The following RELN variants were observed in gnomAD, a reference collection of about 807,000 sequenced individuals.
RELN encodes the protein reelin.
RELN carries 108 observed loss-of-function variants against 427.6 expected under a neutral mutation model. The ratio of observed to expected loss-of-function variants is 0.25; its 90% CI spans 0.22 to 0.30. RELN has a LOEUF of 0.30. Ranked by LOEUF, RELN falls within the 10% of genes least tolerant of loss-of-function variation. The probability of loss-of-function intolerance (pLI) is 1.00; values close to 1 mark genes in which losing one functional copy is unlikely to be tolerated. For missense variants in RELN, 3,715 were observed against 4,302.8 expected, an observed-to-expected ratio of 0.86 and a Z score of 3.82; for synonymous variants, 1,524 against 1,513.4, an observed-to-expected ratio of 1.01 and a Z score of -0.16.
At chr7:103,846,120 C>A (rs1793670778) in intron 2 of RELN, among the ~76,000 whole-genome samples, 1 of 152,098 alleles carries the variant, frequency 6.6e-6, no homozygotes, top group South Asian at 2.1e-4. Flanking sequence ...CCCATATAGC[C>A]AAGACAATCC....
intron 1 of RELN, among the ~76,000 whole-genome samples, chr7:103,945,464 C>T (rs985675495): frequency 1.3e-5 from 2 of 152,074 alleles, no homozygotes; most frequent in Non-Finnish European, 2.9e-5. Flanking sequence ...TACCCCCTAC[C>T]GAAGACAGAC....
At position 103,644,525 on chromosome 7, in the gene RELN, G is replaced by C. The variant is rs114059837; in HGVS notation, c.2003-3916C>G. 5.5e-3 allele frequency among the ~76,000 whole-genome samples: 818 copies of C among 149,292 alleles called. 7 individuals are homozygous for C. Among genetic ancestry groups the C allele is most frequent in the African/African-American group, 0.011 (459 of 40,660 alleles). ...TAACAATAGACTAGACCAAGCAGAA[G>C]AAATAATCTCAGAGCTCGAATACAG... is the stretch of plus-strand genomic sequence containing the variant. On this transcript the variant is annotated intron_variant, in intron 16 of 64. Transcript: ENST00000428762.
chr7:103,922,149 G>GA (rs1163087534), intron 1 of RELN, among the ~76,000 whole-genome samples: 2 of 152,002 alleles, frequency 1.3e-5, no homozygotes, highest in South Asian at 2.1e-4. Context: ...AACTTCTACA[G>GA]AAAAAACTGG....
chr7:103,948,248 A>G (rs1796259144), intron 1 of RELN, among the ~76,000 whole-genome samples: 1 of 152,242 alleles, frequency 6.6e-6, no homozygotes, highest in African/African-American at 2.4e-5. Context: ...TTTCATAACT[A>G]GAATCACATT....
In RELN at chr7:103,483,768, C is replaced by T. The variant is rs768319127; in HGVS notation, c.10066G>A (p.Asp3356Asn). 6.2e-7 allele frequency: 1 copy of T among 1,614,096 alleles called. No homozygotes were observed. Among genetic ancestry groups the T allele is most frequent in the Non-Finnish European group, 8.5e-7 (1 of 1,179,930 alleles). ...NSDLSGPHAV[D>N]KAVLLQYSVN... Reference sequence around the variant, plus strand: ...CTGTATTGCAGCAGCACTGCCTTGTCCACAGCGTGGGGGCCACTCAGGTCA... The same window carrying T: ...CTGTATTGCAGCAGCACTGCCTTGTTCACAGCGTGGGGGCCACTCAGGTCA... Residue 3356 changes from aspartate to asparagine, a missense_variant, in exon 62 of 65, where the codon GAC becomes AAC. Physicochemically the swap from Asp to Asn is conservative, Grantham distance 23. This residue lies in a region of RELN where 195 missense variants were observed against 281.3 expected (regional missense o/e 0.69). Coordinates refer to ENST00000428762, the MANE Select transcript of RELN (RefSeq NM_005045.4).
chr7:103,773,521 G>C (rs1426469248), intron 4 of RELN, among the ~76,000 whole-genome samples: 1 of 149,608 alleles, frequency 6.7e-6, no homozygotes, highest in African/African-American at 2.5e-5. Flanking sequence ...TCAGGCTGGA[G>C]TTCAGTGGTG....
chr7:103,695,595 T>G (rs1318604960), intron 10 of RELN, among the ~76,000 whole-genome samples: 1 of 152,034 alleles, frequency 6.6e-6, no homozygotes, highest in South Asian at 2.1e-4. Flanking sequence ...AGAAACCAAA[T>G]AGCTAATTAG....
rs1382383467 is a variant in RELN, at chr7:103,953,737, A to G, written c.226+35394T>C. Among the ~76,000 whole-genome samples the G allele has an allele frequency of 1.3e-5, 2 of 152,070 alleles. No individual in the cohort carries two copies. The highest frequency in any genetic ancestry group is 2.9e-5 in the Non-Finnish European group (2 of 68,010). On this transcript the variant is annotated intron_variant, in intron 1 of 64. Coordinates refer to ENST00000428762, the MANE Select transcript of RELN (RefSeq NM_005045.4). This position sits in a 1 kb window ranked among gnomAD's most constrained non-coding sequence, Gnocchi z 4.3. ...CACCTGAGGTCAGGAGTTTGAGACC[A>G]GCCTTGCCAACATGGTGAAACCCCA...
In RELN at chr7:103,682,300, G is replaced by T. The variant is rs1374473509; in HGVS notation, c.1144-39C>A. On this transcript the variant is annotated intron_variant, in intron 10 of 64. Coordinates refer to ENST00000428762, the MANE Select transcript of RELN (RefSeq NM_005045.4). ...GAGAGCACGGGGTGGCTGTTGAATT[G>T]GTGTTGTAGCTGTATCTGTCTTACT... is the stretch of plus-strand genomic sequence containing the variant. 1.9e-6 allele frequency: 3 copies of T among 1,610,926 alleles called. No homozygotes were observed. The South Asian group carries it at 3.3e-5, about 18-fold the overall frequency.
intron 2 of RELN, among the ~76,000 whole-genome samples, chr7:103,911,119 G>A (rs1435058461): frequency 6.9e-5 from 10 of 144,586 alleles, no homozygotes; most frequent in African/African-American, 2.5e-4. Context: ...CAAAGGGCTA[G>A]TATCCAGAAT....
intron 8 of RELN, among the ~76,000 whole-genome samples, chr7:103,706,680 A>C (rs1399211307): frequency 6.6e-6 from 1 of 151,892 alleles, no homozygotes; most frequent in Non-Finnish European, 1.5e-5. Context: ...CAAAGGGTAC[A>C]TGAACATATT....
At chr7:103,700,870 T>C (rs759724173) in intron 9 of RELN, 40 bp downstream of exon 9, 13 of 1,245,206 alleles carry the variant, frequency 1.0e-5, no homozygotes, top group Non-Finnish European at 1.4e-5. Context: ...GAACTCCATC[T>C]ATGTCAGAAT....
At chr7:103,718,976 C>G (rs1790008189) in intron 8 of RELN, among the ~76,000 whole-genome samples, 2 of 152,034 alleles carry the variant, frequency 1.3e-5, no homozygotes, top group African/African-American at 4.8e-5. Flanking sequence ...ACACAACTAC[C>G]CAAACAATTT....
chr7:103,920,593 T>TGA (rs55762772), intron 1 of RELN, among the ~76,000 whole-genome samples: 81,299 of 129,340 alleles, frequency 0.63, 27,279 homozygotes, highest in Non-Finnish European at 0.75. Flanking sequence ...TTTTTTTTTT[T>TGA]GAGAGAGTCT....
chr7:103,480,122 T>G (rs1005368457), intron 63 of RELN, among the ~76,000 whole-genome samples: 1 of 152,172 alleles, frequency 6.6e-6, no homozygotes, highest in African/African-American at 2.4e-5. Context: ...CCTGCCATGC[T>G]TGAGGAGTTA....
At chr7:103,493,907 A>G (rs1327301031) in intron 57 of RELN, among the ~76,000 whole-genome samples, 4 of 152,164 alleles carry the variant, frequency 2.6e-5, no homozygotes, top group Non-Finnish European at 5.9e-5. Context: ...TTTTGAGGAT[A>G]GACTCTCTTT....
At position 103,540,220 on chromosome 7, in the gene RELN, A is replaced by G. The variant is rs768533015; in HGVS notation, c.6907T>C (p.Tyr2303His). The change falls in exon 44 of 65, where the codon TAC becomes CAC. Residue 2303 changes from tyrosine (Y) to histidine (H), a missense_variant. Tyr to His is a moderately conservative substitution (Grantham distance 83). Around this residue, in one of 4 missense-constraint regions of RELN, gnomAD observed 1,310 missense variants for 1,643.0 expected, o/e 0.80. Coordinates refer to ENST00000428762, the MANE Select transcript of RELN (RefSeq NM_005045.4). Reference protein sequence around the residue: ...WWQPSENGHFYSPWVIDQILI... With the variant: ...WWQPSENGHFHSPWVIDQILI... The stretch of plus-strand genomic sequence containing the variant: ...ACCTGATCGATAACCCAGGGGCTGT[A>G]GAAGTGCCCATTCTCAGACGGTTGC... 1 of 1,614,220 alleles carries G rather than the reference A, an allele frequency of 6.2e-7. No individual in the cohort carries two copies. The highest frequency in any genetic ancestry group is 1.1e-5 in the South Asian group (1 of 91,086).
At chr7:103,537,569 G>A (rs2117122986) in intron 45 of RELN, among the ~76,000 whole-genome samples, 1 of 152,338 alleles carries the variant, frequency 6.6e-6, no homozygotes, top group African/African-American at 2.4e-5. Flanking sequence ...AAGTACAAGT[G>A]ACTGGGCTTA....
chr7:103,543,970 C>T (rs73418570), intron 42 of RELN, among the ~76,000 whole-genome samples: 8,412 of 152,162 alleles, frequency 0.055, 321 homozygotes, highest in East Asian at 0.21. Context: ...TGCTTTCTGT[C>T]TTTATGAATT....
Sources: allele counts gnomAD v4.1 joint callset (sites outside exome capture counted in the v4.1 genomes callset), GRCh38; gene constraint gnomAD v4.1.1; regional missense constraint gnomAD v4.1.1; non-coding constraint Gnocchi (gnomAD v3.1); transcripts MANE v1.5; gene names NCBI Gene and HGNC (gene_info 2026-07-23, HGNC 2026-07-21).